Variants in TENM2 observed in about 807,000 individuals in gnomAD.
TENM2 encodes the protein teneurin-2.
In TENM2, 52 loss-of-function variants were observed where a neutral mutation model predicts 245.2. That is an observed-to-expected ratio of 0.21 (90% CI 0.17 to 0.27). The LOEUF (loss-of-function observed/expected upper bound fraction) is 0.27, where lower values mean the gene tolerates loss of function less well. Ranked by LOEUF, TENM2 falls within the 10% of genes least tolerant of loss-of-function variation. The pLI is 1.00. For synonymous variants in TENM2, 1,363 were observed against 1,438.9 expected (o/e 0.95, Z 1.19); for missense variants, 3,046 against 3,666.8 (o/e 0.83, Z 4.37).
intron 17 of TENM2, among the ~76,000 whole-genome samples, chr5:168,202,627 A>C (rs1448889062): frequency 6.6e-6 from 1 of 151,742 alleles, no homozygotes; most frequent in East Asian, 1.9e-4. Flanking sequence ...CAAGCCAGGC[A>C]CTAGCAATTC....
At chr5:167,071,878 G>GGCCCCCCCCCCCCCCCCCCC in the TENM2 span, among the ~76,000 whole-genome samples, 1 of 124,026 alleles carries the variant, frequency 8.1e-6, no homozygotes, top group African/African-American at 2.9e-5. Context: ...TTGACAAATC[G>GGCCCCCCCCCCCCCCCCCCC]CCCCCCCCCG....
intron 4 of TENM2, among the ~76,000 whole-genome samples, chr5:167,991,847 A>G (rs1255413835): frequency 1.3e-5 from 2 of 152,192 alleles, no homozygotes; most frequent in African/African-American, 4.8e-5. Flanking sequence ...CACAGGTTTT[A>G]TCGAAAGACA....
chr5:167,450,239 C>T (rs1365406958), intron 2 of TENM2, among the ~76,000 whole-genome samples: 1 of 152,138 alleles, frequency 6.6e-6, no homozygotes, highest in African/African-American at 2.4e-5. Flanking sequence ...CTGCTTTCCC[C>T]TATGACTGGA....
chr5:167,276,366 G>A, the TENM2 span, among the ~76,000 whole-genome samples: 364 of 147,468 alleles, frequency 2.5e-3, 2 homozygotes, highest in African/African-American at 8.3e-3. Flanking sequence ...GTGTGTGTGT[G>A]TGTGTGTGTG....
intron 1 of TENM2, among the ~76,000 whole-genome samples, chr5:167,350,207 G>T (rs575535450): frequency 9.9e-5 from 15 of 151,904 alleles, no homozygotes; most frequent in Non-Finnish European, 1.8e-4. Flanking sequence ...AATTTCCCTG[G>T]TCCTCCTTGT....
In TENM2 at chr5:167,981,188, G is replaced by A. The variant is rs1782810123; in HGVS notation, c.948-11756G>A. Among the ~76,000 whole-genome samples, 4 of 152,172 alleles carry A rather than the reference G, an allele frequency of 2.6e-5. 1 individual carries two copies. In the South Asian group the frequency reaches 8.3e-4, roughly 31 times the overall value. On this transcript the variant is annotated intron_variant, in intron 4 of 28. Coordinates refer to ENST00000518659, the Ensembl canonical transcript of TENM2. ...AATCGCCATAGGCCCCTCTGCCACA[G>A]CATCACAGTTCAGCTCCCCGCCATC...
intron 2 of TENM2, among the ~76,000 whole-genome samples, chr5:167,667,372 T>A (rs1483886301): frequency 6.6e-6 from 1 of 152,152 alleles, no homozygotes; most frequent in Non-Finnish European, 1.5e-5. Flanking sequence ...CAGGGGAGAA[T>A]CTACCTCCAG....
intron 1 of TENM2, among the ~76,000 whole-genome samples, chr5:167,288,161 A>G (rs1185959787): frequency 6.6e-6 from 1 of 152,120 alleles, no homozygotes; most frequent in African/African-American, 2.4e-5. Flanking sequence ...CTGCTTTTGC[A>G]TGTGTATGTG....
intron 2 of TENM2, among the ~76,000 whole-genome samples, chr5:167,789,214 A>G (rs1234529458): frequency 6.6e-6 from 1 of 152,160 alleles, no homozygotes; most frequent in Non-Finnish European, 1.5e-5. Flanking sequence ...TGAAATCCAT[A>G]TTTTTCTTTT....
intron 2 of TENM2, among the ~76,000 whole-genome samples, chr5:167,420,672 G>A (rs1763452213): frequency 6.6e-6 from 1 of 152,086 alleles, no homozygotes; most frequent in Non-Finnish European, 1.5e-5. Flanking sequence ...CCTGACCATT[G>A]TGTAAACTTG....
intron 1 of TENM2, among the ~76,000 whole-genome samples, chr5:167,339,518 T>C (rs975809485): frequency 6.6e-6 from 1 of 151,666 alleles, no homozygotes; most frequent in Non-Finnish European, 1.5e-5. Flanking sequence ...CATTTATTCT[T>C]TTTTTTTTCA....
rs772430462 is a variant in TENM2, at chr5:167,989,298, G to GAGAGAA, written c.948-3643_948-3642insGAAAGA. The stretch of plus-strand genomic sequence containing the variant: ...AGAGAGAGAGAGAGAGAGAGAGAGA[G>GAGAGAA]AGATAGATAGATTTGTGAGTGCACA... On this transcript the variant is annotated intron_variant, in intron 4 of 28. Transcript: ENST00000518659. Among the ~76,000 whole-genome samples, 355 of 147,764 alleles carry GAGAGAA rather than the reference G, an allele frequency of 2.4e-3. 2 individuals are homozygous for GAGAGAA. The highest frequency in any genetic ancestry group is 8.4e-3 in the African/African-American group (330 of 39,420).
At chr5:167,775,909 T>C (rs1763732757) in intron 2 of TENM2, among the ~76,000 whole-genome samples, 2 of 152,140 alleles carry the variant, frequency 1.3e-5, no homozygotes, top group Admixed American at 1.3e-4. Flanking sequence ...ACATAGGTGC[T>C]CAGTGACTGT....
chr5:167,840,831 A>G (rs1481965169), intron 2 of TENM2, among the ~76,000 whole-genome samples: 1 of 152,188 alleles, frequency 6.6e-6, no homozygotes, highest in African/African-American at 2.4e-5. Context: ...CTATAATAAT[A>G]TGTCAGACTG....
intron 2 of TENM2, among the ~76,000 whole-genome samples, chr5:167,737,753 G>A (rs1469954549): frequency 1.3e-5 from 2 of 152,170 alleles, no homozygotes; most frequent in Admixed American, 6.5e-5. Context: ...AGGACAACTA[G>A]CAGTATTTAG....
At chr5:166,994,993 A>G in the TENM2 span, among the ~76,000 whole-genome samples, 9 of 152,214 alleles carry the variant, frequency 5.9e-5, no homozygotes, top group Admixed American at 5.9e-4. Flanking sequence ...AGGTTTATCA[A>G]AATAATAACG....
At chr5:167,934,899 G>C in intron 3 of TENM2, 2 of 985,554 alleles carry the variant, frequency 2.0e-6, no homozygotes, top group Middle Eastern at 1.0e-3. Flanking sequence ...TGTGCAGGCT[G>C]CACTGCCCTT....
the TENM2 span, among the ~76,000 whole-genome samples, chr5:167,261,505 A>G: frequency 6.6e-6 from 1 of 152,062 alleles, no homozygotes; most frequent in Non-Finnish European, 1.5e-5. Flanking sequence ...CATTAACATC[A>G]TCATCATCAT....
chr5:168,050,165 A>T (rs1788952620), intron 6 of TENM2, among the ~76,000 whole-genome samples: 1 of 152,214 alleles, frequency 6.6e-6, no homozygotes, highest in Non-Finnish European at 1.5e-5. Flanking sequence ...ATACTCAAGA[A>T]AAAAGTGTGA....
Sources: gnomAD v4.1 joint callset for allele counts (sites outside exome capture counted in the v4.1 genomes callset) on GRCh38, gnomAD v4.1.1 for gene constraint, MANE v1.5 for transcripts, NCBI Gene and HGNC (gene_info 2026-07-23, HGNC 2026-07-21) for gene names.